Variants in SPPL2B observed in about 807,000 individuals in gnomAD.
SPPL2B encodes signal peptide peptidase like 2B.
SPPL2B carries 39 observed loss-of-function variants against 59.7 expected under a neutral mutation model. The observed-to-expected ratio is 0.65, with a 90% confidence interval of 0.51 to 0.85. The LOEUF is 0.85. SPPL2B is among the 40% of genes least tolerant of loss of function. The pLI is 0.00. For missense variants in SPPL2B, 865 were observed against 849.0 expected (o/e 1.02, Z -0.23); for synonymous variants, 419 against 370.8 (o/e 1.13, Z -1.49).
chr19:2,350,934 C>T (rs1015250900), intron 13 of SPPL2B, among the ~76,000 whole-genome samples: 2 of 152,220 alleles, frequency 1.3e-5, no homozygotes, highest in Non-Finnish European at 2.9e-5. Context: ...GGCACGGCCC[C>T]GGTGGGTGGA....
intron 14 of SPPL2B, 144 bp downstream of exon 14, chr19:2,351,738 A>G: frequency 1.9e-6 from 2 of 1,074,204 alleles, no homozygotes; most frequent in East Asian, 3.0e-5. Context: ...TTTGGGTGTC[A>G]TGCGCGTGAG....
In SPPL2B at chr19:2,340,104, G is replaced by T. The variant is rs760370255; in HGVS notation, c.771G>T (p.Leu257=). 1 of 1,594,898 alleles carries T rather than the reference G, an allele frequency of 6.3e-7. No homozygotes were observed. Among genetic ancestry groups the T allele is most frequent in the South Asian group, 1.1e-5 (1 of 89,362 alleles). Residue 257 remains leucine (L), a synonymous_variant, in exon 7 of 15, where the codon CTG becomes CTT. Coordinates refer to ENST00000613503, the MANE Select transcript of SPPL2B (RefSeq NM_152988.3). Reference sequence around the variant, plus strand: ...ACGTGGTCATCGGGATCTTCTGCCTGGCCTCCGCCACCGGCCTCTACAGCT... The same window carrying T: ...ACGTGGTCATCGGGATCTTCTGCCTTGCCTCCGCCACCGGCCTCTACAGCT... ...LVYVVIGIFC[L]ASATGLYSCL...
At position 2,347,351 on chromosome 19, in the gene SPPL2B, T is replaced by TCC. The variant is rs200619965; in HGVS notation, c.1354+2022_1354+2023insCC. Among the ~76,000 whole-genome samples, 3 of 40,918 alleles carry TCC rather than the reference T, an allele frequency of 7.3e-5. 1 individual carries two copies. The highest frequency in any genetic ancestry group is 2.8e-4 in the African/African-American group (3 of 10,826). 26.8% of individuals were successfully genotyped at this position (40,918 alleles called of 152,430 possible). Reference sequence around the variant, plus strand: ...CTCTCATTCGCCTGATTCCGTTCTCTCTCCACACACACACACTCTCATTCG... The same window carrying TCC: ...CTCTCATTCGCCTGATTCCGTTCTCTCCCTCCACACACACACACTCTCATTCG... On this transcript the variant is annotated intron_variant, in intron 13 of 14. Coordinates refer to ENST00000613503, the MANE Select transcript of SPPL2B (RefSeq NM_152988.3).
At chr19:2,352,361 C>T (rs1221362307) in intron 14 of SPPL2B, among the ~76,000 whole-genome samples, 2 of 152,202 alleles carry the variant, frequency 1.3e-5, no homozygotes, top group South Asian at 4.1e-4. Context: ...TGCAGCTCCT[C>T]CCATAGCTGA....
intron 7 of SPPL2B, 82 bp downstream of exon 7, chr19:2,340,254 T>G (rs1968947937): frequency 2.8e-6 from 3 of 1,089,730 alleles, no homozygotes; most frequent in Non-Finnish European, 3.9e-6. Flanking sequence ...TAGCCCCCCA[T>G]GGTGCAATAT....
chr19:2,339,963 C>G lies in SPPL2B; in HGVS notation c.739C>G (p.Leu247Val). 1.3e-6 allele frequency: 2 copies of G among 1,553,434 alleles called. No homozygotes were observed. Among genetic ancestry groups the G allele is most frequent in the Non-Finnish European group, 1.7e-6 (2 of 1,147,844 alleles). Reference sequence around the variant, plus strand: ...GCTGCTCTACTATTTCTACGATCTCCTCGGTGCGCGGCCCCGGGCGGGTGG... The same window carrying G: ...GCTGCTCTACTATTTCTACGATCTCGTCGGTGCGCGGCCCCGGGCGGGTGG... ...LVLLYYFYDLLVYVVIGIFCL... is the reference protein window; with the variant it reads ...LVLLYYFYDLVVYVVIGIFCL... Residue 247 changes from leucine (L) to valine (V), a missense_variant, in exon 6 of 15, where the codon CTC becomes GTC. Transcript: ENST00000613503.
In SPPL2B at chr19:2,339,845, C is replaced by G; in HGVS notation, c.621C>G (p.Arg207=). The change falls in exon 6 of 15, where the codon CGC becomes CGG. Residue 207 remains arginine, a synonymous_variant. Coordinates refer to ENST00000613503, the MANE Select transcript of SPPL2B (RefSeq NM_152988.3). The part of the protein sequence containing the change: ...DVKKRYMKHK[R]DDGPEKQEDE... ...CAAGAAGGTACATGAAGCACAAGCG[C>G]GACGATGGGCCCGAGAAGCAGGAGG... The G allele has an allele frequency of 6.2e-7, 1 of 1,606,552 alleles. No homozygotes were observed. Among genetic ancestry groups the G allele is most frequent in the Non-Finnish European group, 8.5e-7 (1 of 1,176,656 alleles).
intron 10 of SPPL2B, 112 bp from the exon 11 acceptor site, chr19:2,344,250 C>T (rs1356653047): frequency 2.6e-4 from 155 of 594,198 alleles, no homozygotes; most frequent in Non-Finnish European, 2.1e-4. Flanking sequence ...CCCCCATCAC[C>T]CTGCCCCTTG....
chr19:2,353,239 C>T lies in SPPL2B; in HGVS notation c.*30C>T, dbSNP rs755293632. ...GGGGTGAGACGCTCGCTGCCGTGCC[C>T]GCCACACCAAGATGTTGGGGCTGCC... On this transcript the variant is annotated 3_prime_UTR_variant, in exon 15 of 15. Transcript: ENST00000613503. 83 of 1,568,718 alleles carry T rather than the reference C, an allele frequency of 5.3e-5. No homozygotes were observed. In the East Asian group the frequency reaches 6.9e-4, roughly 13 times the overall value.
At position 2,353,283 on chromosome 19, in the gene SPPL2B, G is replaced by A; in HGVS notation, c.*74G>A. ...GGCTGCCTGGCGCCCACTGGAGACA[G>A]ACAGACAGACGCCTGTCCCCCGGGA... On this transcript the variant is annotated 3_prime_UTR_variant, in exon 15 of 15. Transcript: ENST00000613503. 2.0e-6 allele frequency: 3 copies of A among 1,493,722 alleles called. No homozygotes were observed. Among genetic ancestry groups the A allele is most frequent in the Non-Finnish European group, 2.7e-6 (3 of 1,124,730 alleles). 92.5% of individuals were successfully genotyped at this position (1,493,722 alleles called of 1,614,324 possible). A position where few individuals can be genotyped will look rare whatever the true frequency, so the allele number is the denominator to read the frequency against.
At chr19:2,352,846 C>A in intron 14 of SPPL2B, 100 bp from the exon 15 acceptor site, 1 of 1,353,654 alleles carries the variant, frequency 7.4e-7, no homozygotes, top group Non-Finnish European at 1.0e-6. Flanking sequence ...TCATTTTGAC[C>A]CTGCCCCCGT....
chr19:2,334,578 C>CT (rs1968453776), intron 1 of SPPL2B, 24 bp from the exon 2 acceptor site: 2 of 1,600,704 alleles, frequency 1.2e-6, no homozygotes, highest in Admixed American at 1.7e-5. Context: ...TGCTGTGGCT[C>CT]TGACTGCTGG....
At chr19:2,334,183 A>G (rs2145143381) in intron 1 of SPPL2B, among the ~76,000 whole-genome samples, 1 of 152,202 alleles carries the variant, frequency 6.6e-6, no homozygotes, top group African/African-American at 2.4e-5. Context: ...CCTCCCGCCC[A>G]GGCTGGGGGC....
At chr19:2,343,651 C>T (rs555689470) in intron 9 of SPPL2B, among the ~76,000 whole-genome samples, 2 of 152,232 alleles carry the variant, frequency 1.3e-5, no homozygotes, top group African/African-American at 4.8e-5. Context: ...CCACAGCACC[C>T]CAAGCAAGCG....
At position 2,339,104 on chromosome 19, in the gene SPPL2B, G is replaced by A. The variant is rs1462817135; in HGVS notation, c.495G>A (p.Ala165=). 7.6e-6 allele frequency: 12 copies of A among 1,573,212 alleles called. No individual in the cohort carries two copies. Among genetic ancestry groups the A allele is most frequent in the Admixed American group, 3.8e-5 (2 of 53,094 alleles). ...FGRTVRAALY[A]PKEPVLDYNM... ...GCACGGTGAGGGCGGCGCTGTATGC[G>A]CCTAAGGAGCCGGTGCTGGACTACA... Residue 165 remains alanine (A), a synonymous_variant, in exon 5 of 15, where the codon GCG becomes GCA. Coordinates refer to ENST00000613503, the MANE Select transcript of SPPL2B (RefSeq NM_152988.3).
chr19:2,343,282 C>A lies in SPPL2B; in HGVS notation c.1028C>A (p.Pro343His). ...CLYMLKTIRL[P>H]TFKACTLLLL... The stretch of plus-strand genomic sequence containing the variant: ...TACATGCTGAAGACCATCCGTCTGC[C>A]CACCTTCAAGGTGAGTGCAGGGAGG... Residue 343 changes from proline (P) to histidine (H), a missense_variant, in exon 9 of 15, where the codon CCC becomes CAC. Pro to His is a moderately conservative substitution (Grantham distance 77, BLOSUM62 -2). Coordinates refer to ENST00000613503, the MANE Select transcript of SPPL2B (RefSeq NM_152988.3). 6.4e-7 allele frequency: 1 copy of A among 1,553,154 alleles called. No individual in the cohort carries two copies. The highest frequency in any genetic ancestry group is 8.7e-7 in the Non-Finnish European group (1 of 1,147,932).
In SPPL2B at chr19:2,353,251, ATGT is replaced by A. The variant is rs1186508569; in HGVS notation, c.*45_*47del. 1.3e-6 allele frequency: 2 copies of A among 1,561,490 alleles called. No individual in the cohort carries two copies. Among genetic ancestry groups the A allele is most frequent in the Non-Finnish European group, 1.7e-6 (2 of 1,164,376 alleles). ...TCGCTGCCGTGCCCGCCACACCAAG[ATGT>A]TGGGGCTGCCTGGCGCCCACTGGAG... On this transcript the variant is annotated 3_prime_UTR_variant, in exon 15 of 15. Transcript: ENST00000613503.
chr19:2,331,967 G>A (rs1405978680), intron 1 of SPPL2B, among the ~76,000 whole-genome samples: 1 of 152,236 alleles, frequency 6.6e-6, no homozygotes, highest in Admixed American at 6.5e-5. Context: ...CATCCCTCCT[G>A]GAGGAGGGGT....
At chr19:2,350,953 C>T (rs1026830379) in intron 13 of SPPL2B, among the ~76,000 whole-genome samples, 1 of 152,228 alleles carries the variant, frequency 6.6e-6, no homozygotes, top group African/African-American at 2.4e-5. Flanking sequence ...GACACCGTGC[C>T]CTTTGACCCC....
Sources: gnomAD v4.1 joint callset for allele counts (sites outside exome capture counted in the v4.1 genomes callset) on GRCh38, gnomAD v4.1.1 for gene constraint, MANE v1.5 for transcripts, NCBI Gene and HGNC (gene_info 2026-07-23, HGNC 2026-07-21) for gene names.